Variants in TANC1 observed in about 807,000 individuals in gnomAD.
The protein encoded by TANC1 is protein TANC1.
TANC1 carries 77 observed loss-of-function variants against 149.7 expected under a neutral mutation model. The observed-to-expected ratio is 0.51, with a 90% CI of 0.43 to 0.62. The LOEUF is 0.62. Among genes scored for constraint, TANC1 ranks in the 20% least tolerant of loss-of-function variants. TANC1 has a pLI of 0.00. For missense variants in TANC1, 1,985 were observed against 2,321.8 expected (o/e 0.85, Z 2.98); for synonymous variants, 854 against 925.0 (o/e 0.92, Z 1.39).
At chr2:159,087,987 A>G (rs553846560) in intron 3 of TANC1, among the ~76,000 whole-genome samples, 33 of 151,456 alleles carry the variant, frequency 2.2e-4, no homozygotes, top group Non-Finnish European at 2.9e-4. Context: ...ATTGCTGACC[A>G]CACCAGAAAG....
At chr2:159,158,387 C>T (rs577414327) in intron 7 of TANC1, among the ~76,000 whole-genome samples, 1 of 152,208 alleles carries the variant, frequency 6.6e-6, no homozygotes, top group African/African-American at 2.4e-5. Context: ...TGTAGAGCCC[C>T]ATTCTAGGAT....
intron 15 of TANC1, among the ~76,000 whole-genome samples, chr2:159,186,586 T>C (rs1559419141): frequency 6.6e-6 from 1 of 152,064 alleles, no homozygotes; most frequent in African/African-American, 2.4e-5. Context: ...GAGGTTGAAG[T>C]GAGTTGAGAT....
chr2:159,229,008 C>T (rs1011492763), intron 26 of TANC1, 112 bp downstream of exon 26: 5 of 762,660 alleles, frequency 6.6e-6, no homozygotes, highest in African/African-American at 5.2e-5. Flanking sequence ...TGCCTCTCAT[C>T]CTTTTTAGTA....
At chr2:159,174,269 C>T (rs1575094047) in intron 11 of TANC1, among the ~76,000 whole-genome samples, 1 of 152,208 alleles carries the variant, frequency 6.6e-6, no homozygotes, top group African/African-American at 2.4e-5. Context: ...CTGCAGGTCC[C>T]TTGGAACAGG....
intron 23 of TANC1, 36 bp downstream of exon 23, chr2:159,224,400 G>C (rs367646360): frequency 6.8e-6 from 11 of 1,612,966 alleles, no homozygotes; most frequent in African/African-American, 1.3e-5. Flanking sequence ...CAGGAGGAGC[G>C]GTGAGCTCCC....
rs867228392 is a variant in TANC1 at position 159,047,447 on chromosome 2, T to C, written c.-15-18449T>C. The stretch of plus-strand genomic sequence containing the variant: ...AAGAAAAATATCTTGGGCCCCCAAA[T>C]CGCTAAAGCTAAAAGAAAATTCAAG... On this transcript the variant is annotated intron_variant, in intron 2 of 26. Transcript: ENST00000263635. 2.0e-5 allele frequency among the ~76,000 whole-genome samples: 3 copies of C among 152,190 alleles called. No homozygotes were observed. In the Middle Eastern group the frequency reaches 0.01, roughly 518 times the overall value.
intron 2 of TANC1, among the ~76,000 whole-genome samples, chr2:159,059,857 TAAC>T: frequency 6.7e-6 from 1 of 149,826 alleles, no homozygotes. Flanking sequence ...AGTTTCTAGA[TAAC>T]AGCCAGTGTA....
chr2:158,990,229 C>A (rs1012748700), intron 1 of TANC1, among the ~76,000 whole-genome samples: 2 of 152,186 alleles, frequency 1.3e-5, no homozygotes, highest in African/African-American at 2.4e-5. Context: ...AGCCACAGCA[C>A]CCGGCCAAAA....
At chr2:159,043,093 A>G (rs2149539881) in intron 2 of TANC1, among the ~76,000 whole-genome samples, 1 of 152,144 alleles carries the variant, frequency 6.6e-6, no homozygotes, top group East Asian at 1.9e-4. Context: ...GAAGGAATGG[A>G]TTCTCTTGGT....
At chr2:159,006,961 A>G (rs893924136) in intron 2 of TANC1, among the ~76,000 whole-genome samples, 2 of 152,104 alleles carry the variant, frequency 1.3e-5, no homozygotes, top group Non-Finnish European at 2.9e-5. Context: ...GGAATAGGGG[A>G]AAAATATAGT....
rs764292124 is a variant in TANC1 at position 159,229,865 on chromosome 2, C to T, written c.4439C>T (p.Ser1480Phe). The T allele has an allele frequency of 1.2e-6, 2 of 1,614,156 alleles. No individual in the cohort carries two copies. The highest frequency in any genetic ancestry group is 8.5e-7 in the Non-Finnish European group (1 of 1,180,044). ...TCCCCAACTCCCAGGTCCCAGCCAT[C>T]CTCATCTGTCCCTTCCTCATACATC... The part of the protein sequence containing the change: ...SVSPTPRSQP[S>F]SSVPSSYIRN... Residue 1480 changes from serine to phenylalanine, a missense_variant, in exon 27 of 27, where the codon TCC becomes TTC. Ser to Phe is a radical substitution (Grantham distance 155). Transcript: ENST00000263635.
intron 19 of TANC1, among the ~76,000 whole-genome samples, chr2:159,216,115 G>A (rs2150903232): frequency 6.6e-6 from 1 of 152,274 alleles, no homozygotes; most frequent in Admixed American, 6.5e-5. Flanking sequence ...CTAGCAGGGT[G>A]CAAGCTTTCC....
chr2:159,186,857 G>A lies in TANC1; in HGVS notation c.2620-45G>A. ...CAGGTGGGAAGGAGATGCTCAGGCA[G>A]ATCTGTCTCTGATTGTTTCCAAGAT... On this transcript the variant is annotated intron_variant, in intron 15 of 26. Coordinates refer to ENST00000263635, the MANE Select transcript of TANC1 (RefSeq NM_033394.3). 2 of 1,613,142 alleles carry A rather than the reference G, an allele frequency of 1.2e-6. 1 individual carries two copies. Among genetic ancestry groups the A allele is most frequent in the South Asian group, 2.2e-5 (2 of 90,786 alleles).
intron 19 of TANC1, among the ~76,000 whole-genome samples, chr2:159,199,376 T>C (rs1351511190): frequency 6.6e-6 from 1 of 152,196 alleles, no homozygotes; most frequent in Non-Finnish European, 1.5e-5. Flanking sequence ...ATCTAACCAA[T>C]GTGATCTTCC....
Position 159,041,447 on chromosome 2 carries a change from G to C in TANC1, c.-15-24449G>C, listed in dbSNP as rs183611269. Among the ~76,000 whole-genome samples, 147 of 152,260 alleles carry C rather than the reference G, an allele frequency of 9.7e-4. 1 individual carries two copies. The highest frequency in any genetic ancestry group is 3.4e-3 in the African/African-American group (141 of 41,544). ...AGCTGCGGTGGACTCCACACAGTTCGAGCTTCCCGGCTGCTTTGTTTACCT... is the reference window on the plus strand; with the variant it reads ...AGCTGCGGTGGACTCCACACAGTTCCAGCTTCCCGGCTGCTTTGTTTACCT... On this transcript the variant is annotated intron_variant, in intron 2 of 26. Coordinates refer to ENST00000263635, the MANE Select transcript of TANC1 (RefSeq NM_033394.3).
At chr2:159,040,658 G>A (rs1463364999) in intron 2 of TANC1, among the ~76,000 whole-genome samples, 7 of 152,126 alleles carry the variant, frequency 4.6e-5, no homozygotes, top group Non-Finnish European at 8.8e-5. Context: ...TTAGCCATTC[G>A]TCTAATCTTT....
At chr2:159,147,580 G>A (rs528865565) in intron 5 of TANC1, 7 of 152,444 alleles carry the variant, frequency 4.6e-5, no homozygotes, top group African/African-American at 1.2e-4. Context: ...CCTGTAGAGC[G>A]GCTTTGGCAT....
chr2:159,193,125 ACT>A (rs1481502109), intron 16 of TANC1, among the ~76,000 whole-genome samples: 1 of 151,920 alleles, frequency 6.6e-6, no homozygotes, highest in Non-Finnish European at 1.5e-5. Context: ...TTAAGCAACA[ACT>A]CTCATTTCCC....
intron 18 of TANC1, among the ~76,000 whole-genome samples, chr2:159,198,748 T>C (rs1328611760): frequency 6.6e-6 from 1 of 152,262 alleles, no homozygotes; most frequent in Non-Finnish European, 1.5e-5. Flanking sequence ...CTAGTAATCC[T>C]GAACCATATT....
Sources: allele counts gnomAD v4.1 joint callset (sites outside exome capture counted in the v4.1 genomes callset), GRCh38; gene constraint gnomAD v4.1.1; transcripts MANE v1.5; gene names NCBI Gene and HGNC (gene_info 2026-07-23, HGNC 2026-07-21).